Variants in CTNNA3 observed in about 807,000 individuals in gnomAD.
CTNNA3 encodes catenin alpha 3.
CTNNA3 carries 76 observed loss-of-function variants against 95.7 expected under a neutral mutation model. That is an observed-to-expected ratio of 0.79 (90% CI 0.66 to 0.96). The LOEUF (loss-of-function observed/expected upper bound fraction) is 0.96, where lower values mean the gene tolerates loss of function less well. CTNNA3 is among the 40% of genes least tolerant of loss of function. The pLI, the probability that CTNNA3 is intolerant of heterozygous loss-of-function variation, is 0.00. For missense variants in CTNNA3, 1,191 were observed against 1,089.8 expected (o/e 1.09, Z -1.31); for synonymous variants, 431 against 374.4 (o/e 1.15, Z -1.74).
chr10:67,066,232 G>T (rs141752243), intron 7 of CTNNA3, among the ~76,000 whole-genome samples: 2 of 124,476 alleles, frequency 1.6e-5, no homozygotes, highest in African/African-American at 3.3e-5. Context: ...TTGCTCCATC[G>T]CCCAGGCTAG....
intron 5 of CTNNA3, among the ~76,000 whole-genome samples, chr10:67,409,621 G>C (rs1187340347): frequency 6.6e-6 from 1 of 152,108 alleles, no homozygotes; most frequent in Non-Finnish European, 1.5e-5. Flanking sequence ...AAAGCATCAG[G>C]AAGAATAGCT....
intron 5 of CTNNA3, among the ~76,000 whole-genome samples, chr10:67,278,377 G>A (rs536045581): frequency 6.6e-6 from 1 of 152,300 alleles, no homozygotes; most frequent in South Asian, 2.1e-4. Context: ...GGGGAGGCAT[G>A]AGGCATCAAT....
intron 11 of CTNNA3, among the ~76,000 whole-genome samples, chr10:66,459,240 A>G (rs2131843131): frequency 6.6e-6 from 1 of 152,326 alleles, no homozygotes; most frequent in Middle Eastern, 3.4e-3. Context: ...AACACAGTAT[A>G]TAATACATAC....
chr10:67,536,729 C>A (rs1423578385), intron 4 of CTNNA3, among the ~76,000 whole-genome samples: 1 of 152,092 alleles, frequency 6.6e-6, no homozygotes, highest in Admixed American at 6.6e-5. Flanking sequence ...TATTTCTCAA[C>A]AATTTTAACG....
chr10:66,317,931 TAG>T (rs981413567), intron 12 of CTNNA3, among the ~76,000 whole-genome samples: 2 of 152,058 alleles, frequency 1.3e-5, no homozygotes, highest in African/African-American at 4.8e-5. Flanking sequence ...TTTTATTTTA[TAG>T]AGTCGGATAT....
intron 16 of CTNNA3, among the ~76,000 whole-genome samples, chr10:65,970,773 C>G (rs1474829245): frequency 2.0e-5 from 3 of 149,024 alleles, no homozygotes; most frequent in Non-Finnish European, 4.5e-5. Flanking sequence ...TAATAAAGGA[C>G]AAAGAAGGGT....
At chr10:66,688,815 CA>C (rs71035166) in intron 9 of CTNNA3, among the ~76,000 whole-genome samples, 1 of 149,498 alleles carries the variant, frequency 6.7e-6, no homozygotes, top group East Asian at 2.0e-4. Context: ...CTAAAAAATA[CA>C]AAAAAAAATT....
chr10:67,468,242 G>T (rs1428360552), intron 5 of CTNNA3, among the ~76,000 whole-genome samples: 1 of 151,748 alleles, frequency 6.6e-6, no homozygotes, highest in Non-Finnish European at 1.5e-5. Flanking sequence ...ATAAAGTAGG[G>T]AATAGGCCAG....
At chr10:65,932,496 G>A (rs930331467) in intron 17 of CTNNA3, among the ~76,000 whole-genome samples, 1 of 152,034 alleles carries the variant, frequency 6.6e-6, no homozygotes, top group South Asian at 2.1e-4. Flanking sequence ...TATTAGATAA[G>A]GTATCTAAGA....
intron 13 of CTNNA3, among the ~76,000 whole-genome samples, chr10:66,252,196 T>TA (rs2090584346): frequency 6.6e-6 from 1 of 152,212 alleles, no homozygotes; most frequent in African/African-American, 2.4e-5. Context: ...AAGTATCAGA[T>TA]ACAGCCTTTT....
intron 1 of CTNNA3, among the ~76,000 whole-genome samples, chr10:67,650,290 G>A (rs10430513): frequency 0.095 from 14,407 of 152,200 alleles, 959 homozygotes; most frequent in East Asian, 0.25. Context: ...TTAGATGCTC[G>A]TTGAGTTGAA....
At chr10:66,573,264 A>G (rs909571481) in intron 10 of CTNNA3, among the ~76,000 whole-genome samples, 2 of 152,180 alleles carry the variant, frequency 1.3e-5, no homozygotes, top group African/African-American at 4.8e-5. Context: ...TCAACTAAAA[A>G]TGCAATCACA....
At chr10:66,312,789 C>T (rs2092042067) in intron 12 of CTNNA3, among the ~76,000 whole-genome samples, 1 of 152,126 alleles carries the variant, frequency 6.6e-6, no homozygotes, top group Non-Finnish European at 1.5e-5. Context: ...TCGTGATACA[C>T]CCACCTCGGC....
intron 15 of CTNNA3, among the ~76,000 whole-genome samples, chr10:66,046,646 C>T (rs566438334): frequency 8.7e-4 from 131 of 151,280 alleles, no homozygotes; most frequent in African/African-American, 1.1e-3. Context: ...AATCAAGACA[C>T]GCAAAAAATT....
chr10:66,521,150 T>C (rs1476677759), intron 10 of CTNNA3, among the ~76,000 whole-genome samples: 3 of 151,470 alleles, frequency 2.0e-5, no homozygotes, highest in African/African-American at 7.2e-5. Flanking sequence ...ACAGTTTATA[T>C]TGAAAAGTAC....
chr10:65,944,003 A>G (rs2077471695), intron 17 of CTNNA3, among the ~76,000 whole-genome samples: 1 of 152,224 alleles, frequency 6.6e-6, no homozygotes, highest in South Asian at 2.1e-4. Flanking sequence ...CAACTAATTT[A>G]TGTATGTATG....
intron 9 of CTNNA3, among the ~76,000 whole-genome samples, chr10:66,727,267 A>C (rs999841940): frequency 5.3e-5 from 8 of 152,088 alleles, no homozygotes; most frequent in African/African-American, 1.9e-4. Context: ...CAAACATTAA[A>C]AAAAAGTTTG....
chr10:67,683,968 T>C (rs966642436), intron 1 of CTNNA3, among the ~76,000 whole-genome samples: 3 of 152,162 alleles, frequency 2.0e-5, no homozygotes, highest in Admixed American at 1.3e-4. Flanking sequence ...ATAAAGGTAA[T>C]GCGAACCCAA....
chr10:66,615,999 C>T (rs565219204), intron 10 of CTNNA3, among the ~76,000 whole-genome samples: 2 of 152,038 alleles, frequency 1.3e-5, no homozygotes, highest in East Asian at 3.9e-4. Context: ...AGTATTCTTC[C>T]AAGTCACTTG....
Sources: gnomAD v4.1 joint callset for allele counts (sites outside exome capture counted in the v4.1 genomes callset) on GRCh38, gnomAD v4.1.1 for gene constraint, MANE v1.5 for transcripts, NCBI Gene and HGNC (gene_info 2026-07-23, HGNC 2026-07-21) for gene names.